Variants in PREP observed in about 807,000 individuals in gnomAD.
PREP encodes prolyl endopeptidase.
PREP carries 29 observed loss-of-function variants against 87.6 expected under a neutral mutation model. The ratio of observed to expected loss-of-function variants is 0.33; its 90% CI spans 0.25 to 0.45. The LOEUF (loss-of-function observed/expected upper bound fraction) is 0.45. Among genes scored for constraint, PREP ranks in the 20% least tolerant of loss-of-function variants. The pLI is 1.00. For synonymous variants in PREP, 337 were observed against 328.6 expected (o/e 1.03, Z -0.28); for missense variants, 695 against 886.5 (o/e 0.78, Z 2.74).
intron 10 of PREP, chr6:105,302,638 TG>T: frequency 2.1e-6 from 1 of 465,254 alleles, no homozygotes; most frequent in Admixed American, 2.4e-5. Context: ...TGTGTGAGTC[TG>T]GTTAATTACG....
At chr6:105,367,009 G>C (rs1281875215) in intron 6 of PREP, among the ~76,000 whole-genome samples, 1 of 152,146 alleles carries the variant, frequency 6.6e-6, no homozygotes, top group Non-Finnish European at 1.5e-5. Context: ...AAAAAGTTCT[G>C]AGGATTGATG....
At chr6:105,398,675 C>A (rs56049151) in intron 1 of PREP, among the ~76,000 whole-genome samples, 6,159 of 152,126 alleles carry the variant, frequency 0.04, 184 homozygotes, top group South Asian at 0.15. Context: ...GCTTCTAAGG[C>A]CTGGCCTTAG....
intron 10 of PREP, among the ~76,000 whole-genome samples, chr6:105,314,540 A>G (rs1418153382): frequency 6.6e-6 from 1 of 152,194 alleles, no homozygotes; most frequent in East Asian, 1.9e-4. Context: ...TCAAGAAACC[A>G]ATTTCTTTGC....
intron 7 of PREP, among the ~76,000 whole-genome samples, chr6:105,345,897 T>C (rs1771783982): frequency 6.6e-6 from 1 of 152,204 alleles, no homozygotes; most frequent in South Asian, 2.1e-4. Context: ...ACACAGGAAA[T>C]GTTACATAAA....
At chr6:105,290,960 A>G (rs751678689) in intron 10 of PREP, among the ~76,000 whole-genome samples, 7 of 152,220 alleles carry the variant, frequency 4.6e-5, no homozygotes, top group Non-Finnish European at 1.0e-4. Flanking sequence ...TCGGAGATAT[A>G]TTGATTTTTT....
Position 105,276,719 on chromosome 6 carries a change from A to G in PREP, c.*1425T>C, listed in dbSNP as rs979139136. 1.3e-5 allele frequency among the ~76,000 whole-genome samples: 2 copies of G among 152,212 alleles called. No homozygotes were observed. The highest frequency in any genetic ancestry group is 2.4e-5 in the African/African-American group (1 of 41,454). ...AAATAGTAACGGAAAACATGATTCC[A>G]GTAGAGAAAAACCAAGCCATATAGC... On this transcript the variant is annotated 3_prime_UTR_variant, in exon 15 of 15. Coordinates refer to ENST00000652536, the MANE Select transcript of PREP (RefSeq NM_002726.5).
At chr6:105,387,612 A>G (rs1415870981) in intron 2 of PREP, among the ~76,000 whole-genome samples, 1 of 132,306 alleles carries the variant, frequency 7.6e-6, no homozygotes, top group Non-Finnish European at 1.6e-5. Context: ...TGAGCTAAAA[A>G]AAAAAAAAGA....
At chr6:105,330,660 T>C (rs79139073) in intron 8 of PREP, among the ~76,000 whole-genome samples, 2,000 of 152,224 alleles carry the variant, frequency 0.013, 25 homozygotes, top group Non-Finnish European at 0.021. Context: ...AAGCCTTTCT[T>C]GGGTTTCATG....
chr6:105,388,933 C>A (rs769821952), intron 2 of PREP, among the ~76,000 whole-genome samples: 6 of 152,196 alleles, frequency 3.9e-5, no homozygotes, highest in African/African-American at 7.2e-5. Context: ...GGCCTAGTTT[C>A]ATCACTACAC....
chr6:105,293,200 A>G (rs1770335607), intron 10 of PREP, among the ~76,000 whole-genome samples: 1 of 152,178 alleles, frequency 6.6e-6, no homozygotes, highest in Non-Finnish European at 1.5e-5. Context: ...TTCCTCACTG[A>G]GCTTAACCCT....
intron 6 of PREP, among the ~76,000 whole-genome samples, chr6:105,364,867 T>C (rs1056390197): frequency 1.3e-5 from 2 of 152,220 alleles, no homozygotes; most frequent in Non-Finnish European, 2.9e-5. Context: ...CTAGGTTCTA[T>C]GACTGGACTA....
intron 3 of PREP, among the ~76,000 whole-genome samples, chr6:105,376,723 C>T (rs1158110996): frequency 6.6e-6 from 1 of 152,166 alleles, no homozygotes; most frequent in Non-Finnish European, 1.5e-5. Context: ...CACTATAATA[C>T]TCAGGCCTGT....
At chr6:105,354,188 C>G (rs1041488484) in intron 6 of PREP, among the ~76,000 whole-genome samples, 1 of 152,152 alleles carries the variant, frequency 6.6e-6, no homozygotes. Context: ...TTAGTTGATC[C>G]ATCATCCTAC....
intron 2 of PREP, among the ~76,000 whole-genome samples, chr6:105,383,154 C>A (rs1240408199): frequency 6.6e-6 from 1 of 151,798 alleles, no homozygotes; most frequent in Non-Finnish European, 1.5e-5. Flanking sequence ...GAATTAGATG[C>A]AGCTGCTTTT....
chr6:105,365,328 T>C (rs1401698025), intron 6 of PREP, among the ~76,000 whole-genome samples: 1 of 152,248 alleles, frequency 6.6e-6, no homozygotes, highest in African/African-American at 2.4e-5. Context: ...TGAGAGCTAA[T>C]GTGTCCACCA....
intron 2 of PREP, among the ~76,000 whole-genome samples, chr6:105,379,643 G>C (rs570184197): frequency 6.6e-6 from 1 of 152,222 alleles, no homozygotes; most frequent in Non-Finnish European, 1.5e-5. Context: ...GAAGGAAGAC[G>C]CAACCTGGGC....
chr6:105,291,652 T>C (rs1770299031), intron 10 of PREP, among the ~76,000 whole-genome samples: 1 of 152,210 alleles, frequency 6.6e-6, no homozygotes, highest in Non-Finnish European at 1.5e-5. Context: ...CTGGCTCTCC[T>C]TGCTCCTGAG....
At chr6:105,283,773 T>C (rs1198331616) in intron 12 of PREP, among the ~76,000 whole-genome samples, 10 of 152,362 alleles carry the variant, frequency 6.6e-5, no homozygotes, top group African/African-American at 1.7e-4. Flanking sequence ...AGTCTAAACA[T>C]AGTCTACTGT....
chr6:105,373,298 A>T (rs917897277), intron 5 of PREP, 71 bp downstream of exon 5: 94 of 1,485,598 alleles, frequency 6.3e-5, no homozygotes, highest in Non-Finnish European at 8.0e-5. Flanking sequence ...AGGGTTCAGC[A>T]TCTCTTTTCA....
Sources: allele counts gnomAD v4.1 joint callset (sites outside exome capture counted in the v4.1 genomes callset), GRCh38; gene constraint gnomAD v4.1.1; transcripts MANE v1.5; gene names NCBI Gene and HGNC (gene_info 2026-07-23, HGNC 2026-07-21).